The following KALRN variants were observed in gnomAD, a reference collection of about 807,000 sequenced individuals.
KALRN encodes kalirin.
KALRN carries 70 observed loss-of-function variants against 353.7 expected under a neutral mutation model. The observed-to-expected ratio is 0.20, with a 90% CI of 0.16 to 0.24. The LOEUF (loss-of-function observed/expected upper bound fraction) is 0.24. Among genes scored for constraint, KALRN ranks in the 10% least tolerant of loss-of-function variants. KALRN has a pLI of 1.00. For synonymous variants in KALRN, 1,391 were observed against 1,434.8 expected (o/e 0.97, Z 0.69); for missense variants, 2,791 against 3,756.7 (o/e 0.74, Z 6.72).
At chr3:124,537,909 T>C (rs1488310834) in intron 33 of KALRN, among the ~76,000 whole-genome samples, 1 of 152,216 alleles carries the variant, frequency 6.6e-6, no homozygotes, top group Non-Finnish European at 1.5e-5. Flanking sequence ...GCAAATCTTC[T>C]GTTCATGAGA....
intron 16 of KALRN, among the ~76,000 whole-genome samples, chr3:124,434,015 G>C (rs1027528308): frequency 2.6e-5 from 4 of 152,100 alleles, no homozygotes; most frequent in African/African-American, 9.7e-5. Flanking sequence ...CATAACTTCT[G>C]TTTCTCTGCT....
At chr3:124,120,711 AATATATATAT>A (rs368470724) in intron 1 of KALRN, among the ~76,000 whole-genome samples, 1,005 of 98,966 alleles carry the variant, frequency 0.01, 41 homozygotes, top group African/African-American at 0.04. Context: ...GAATACTAAA[AATATATATAT>A]ATATATATAT....
chr3:124,106,047 A>G (rs1174705716), intron 1 of KALRN, among the ~76,000 whole-genome samples: 1 of 152,244 alleles, frequency 6.6e-6, no homozygotes, highest in Non-Finnish European at 1.5e-5. Context: ...ACTAAGGCAG[A>G]CAATACACAA....
chr3:124,368,503 T>C (rs563239168), intron 10 of KALRN, among the ~76,000 whole-genome samples: 2 of 146,778 alleles, frequency 1.4e-5, no homozygotes, highest in Admixed American at 6.7e-5. Flanking sequence ...CTAGATGTGA[T>C]GGTGGCTGGG....
chr3:124,569,118 G>A (rs1317258995), intron 34 of KALRN, among the ~76,000 whole-genome samples: 1 of 152,158 alleles, frequency 6.6e-6, no homozygotes, highest in Non-Finnish European at 1.5e-5. Flanking sequence ...CTGAGGGTCT[G>A]GAGAAGCTGT....
At chr3:124,500,762 C>T (rs1280616476) in intron 33 of KALRN, among the ~76,000 whole-genome samples, 1 of 152,224 alleles carries the variant, frequency 6.6e-6, no homozygotes, top group Non-Finnish European at 1.5e-5. Flanking sequence ...CCATGGTGGT[C>T]TGAGCCCACC....
At chr3:124,153,926 G>A (rs1486579970) in intron 1 of KALRN, among the ~76,000 whole-genome samples, 1 of 152,134 alleles carries the variant, frequency 6.6e-6, no homozygotes, top group Non-Finnish European at 1.5e-5. Context: ...CTTTTGAGAA[G>A]TGTCTGTTCA....
intron 33 of KALRN, among the ~76,000 whole-genome samples, chr3:124,516,635 A>AT (rs768422339): frequency 8.1e-6 from 1 of 123,604 alleles, no homozygotes; most frequent in Non-Finnish European, 1.7e-5. Flanking sequence ...TAGCACATCT[A>AT]TAAAAAAAAA....
rs1014648065 is a variant in KALRN, at chr3:124,395,227, C to T, written c.2055C>T (p.Phe685=). The change falls in exon 12 of 60, where the codon TTC becomes TTT. Residue 685 remains phenylalanine, a synonymous_variant. Transcript: ENST00000682506. ...VDAVQELIKQ[F]QQQQTATLDA... Reference sequence around the variant, plus strand: ...CAGTCCAGGAACTGATCAAGCAGTTCCAGCAGCAGCAGACCGCCACTCTAG... The same window carrying T: ...CAGTCCAGGAACTGATCAAGCAGTTTCAGCAGCAGCAGACCGCCACTCTAG... 3 of 1,612,516 alleles carry T rather than the reference C, an allele frequency of 1.9e-6. No individual in the cohort carries two copies. Among genetic ancestry groups the T allele is most frequent in the Non-Finnish European group, 2.5e-6 (3 of 1,179,474 alleles).
chr3:124,394,488 T>C (rs1056916067), intron 11 of KALRN, among the ~76,000 whole-genome samples: 3 of 152,246 alleles, frequency 2.0e-5, no homozygotes, highest in Non-Finnish European at 4.4e-5. Flanking sequence ...TATACTTTGC[T>C]CTTTTAAAGT....
At chr3:124,034,056 G>C (rs1389735987) in intron 1 of KALRN, among the ~76,000 whole-genome samples, 1 of 152,180 alleles carries the variant, frequency 6.6e-6, no homozygotes, top group Non-Finnish European at 1.5e-5. Flanking sequence ...GCGGGAGTCT[G>C]TGTTGGGGAG....
chr3:124,286,130 T>TCTTTCTTTCTTTCTTTC, intron 5 of KALRN, among the ~76,000 whole-genome samples: 1 of 149,414 alleles, frequency 6.7e-6, no homozygotes, highest in South Asian at 2.1e-4. Context: ...TTTCTTTCTT[T>TCTTTCTTTCTTTCTTTC]CTTTCTTTCC....
intron 4 of KALRN, among the ~76,000 whole-genome samples, chr3:124,266,273 G>T (rs1406899943): frequency 6.6e-6 from 1 of 152,104 alleles, no homozygotes; most frequent in African/African-American, 2.4e-5. Flanking sequence ...TCTGAGATTT[G>T]TTTTTAAAGT....
chr3:124,154,072 C>T (rs1283596356), intron 1 of KALRN, among the ~76,000 whole-genome samples: 2 of 152,130 alleles, frequency 1.3e-5, no homozygotes, highest in African/African-American at 2.4e-5. Context: ...TGTAGGTTGC[C>T]TGTTCACTCT....
chr3:124,636,320 A>G (rs1036769055), intron 36 of KALRN, among the ~76,000 whole-genome samples: 1 of 152,170 alleles, frequency 6.6e-6, no homozygotes, highest in Non-Finnish European at 1.5e-5. Context: ...TTTCTCCCCC[A>G]GTTTCTTCTC....
intron 1 of KALRN, among the ~76,000 whole-genome samples, chr3:124,087,983 G>A (rs1445888400): frequency 3.3e-5 from 5 of 152,058 alleles, no homozygotes; most frequent in South Asian, 2.1e-4. Context: ...TTCTCCTTTG[G>A]TGATTTGTAT....
intron 6 of KALRN, among the ~76,000 whole-genome samples, chr3:124,319,906 A>G (rs754781014): frequency 9.2e-5 from 14 of 152,048 alleles, no homozygotes; most frequent in Non-Finnish European, 1.9e-4. Context: ...AGGCAGGAGA[A>G]TTGCTTGAAC....
intron 34 of KALRN, among the ~76,000 whole-genome samples, chr3:124,610,802 G>A (rs2077861621): frequency 1.3e-5 from 2 of 152,010 alleles, no homozygotes; most frequent in South Asian, 2.1e-4. Context: ...CTGGAGCCTA[G>A]GAATTTGAGA....
intron 6 of KALRN, among the ~76,000 whole-genome samples, chr3:124,303,406 TG>T (rs1300563207): frequency 6.6e-6 from 1 of 152,168 alleles, no homozygotes; most frequent in Admixed American, 6.5e-5. Flanking sequence ...GCCTTCCTCT[TG>T]TTTAATTCTG....
Sources: allele counts gnomAD v4.1 joint callset (sites outside exome capture counted in the v4.1 genomes callset), GRCh38; gene constraint gnomAD v4.1.1; transcripts MANE v1.5; gene names NCBI Gene and HGNC (gene_info 2026-07-23, HGNC 2026-07-21).